SNX24: variants seen among roughly 807,000 people sequenced by gnomAD.
The protein encoded by SNX24 is sorting nexin-24.
SNX24 carries 22 observed loss-of-function variants against 28.7 expected under a neutral mutation model. That is an observed-to-expected ratio of 0.77 (90% confidence interval 0.55 to 1.10). The LOEUF (loss-of-function observed/expected upper bound fraction) is 1.10. SNX24 is among the 50% of genes least tolerant of loss of function. The probability of loss-of-function intolerance (pLI) is 0.00; values close to 1 mark genes in which losing one functional copy is unlikely to be tolerated. For missense variants in SNX24, 221 were observed against 201.1 expected (o/e 1.10, Z -0.60); for synonymous variants, 69 against 71.5 (o/e 0.96, Z 0.18).
chr5:122,979,624 G>A (rs762707734), intron 3 of SNX24, among the ~76,000 whole-genome samples: 1 of 152,198 alleles, frequency 6.6e-6, no homozygotes, highest in South Asian at 2.1e-4. Flanking sequence ...CACTTATGCA[G>A]ATGTCTCCAG....
At chr5:123,010,952 T>G (rs2150183687), downstream of SNX24, among the ~76,000 whole-genome samples, 1 of 152,314 alleles carries the variant, frequency 6.6e-6, no homozygotes, top group Non-Finnish European at 1.5e-5. Context: ...TTCTATAATT[T>G]GTGTAACCAC....
chr5:123,001,555 A>C, intron 5 of SNX24, 118 bp downstream of exon 5: 3 of 768,242 alleles, frequency 3.9e-6, no homozygotes, highest in Non-Finnish European at 6.5e-6. Flanking sequence ...AATTGGTTTT[A>C]AGATTATAAA....
At chr5:122,901,228 C>G (rs1219826572) in intron 1 of SNX24, among the ~76,000 whole-genome samples, 4 of 150,736 alleles carry the variant, frequency 2.7e-5, no homozygotes, top group Non-Finnish European at 5.9e-5. Context: ...CAAAATATTG[C>G]TCATATTTAT....
chr5:122,951,378 AAAT>A (rs1235225580), intron 3 of SNX24, among the ~76,000 whole-genome samples: 2 of 151,980 alleles, frequency 1.3e-5, no homozygotes, highest in Non-Finnish European at 2.9e-5. Context: ...TAAAAATATA[AAAT>A]AATATTTGCT....
chr5:122,884,717 G>C (rs1756633414), intron 1 of SNX24, among the ~76,000 whole-genome samples: 1 of 152,104 alleles, frequency 6.6e-6, no homozygotes, highest in South Asian at 2.1e-4. Context: ...TCTGACAGAC[G>C]AGCAGATGTG....
At chr5:122,913,140 G>A (rs1287590632) in intron 1 of SNX24, among the ~76,000 whole-genome samples, 3 of 152,110 alleles carry the variant, frequency 2.0e-5, no homozygotes, top group Non-Finnish European at 2.9e-5. Flanking sequence ...GCAACCATCC[G>A]ATTTCTCAAT....
chr5:122,926,115 T>C (rs1758684207), intron 1 of SNX24, among the ~76,000 whole-genome samples: 1 of 152,100 alleles, frequency 6.6e-6, no homozygotes, highest in Non-Finnish European at 1.5e-5. Context: ...TAGTTGCTGT[T>C]TTAGATGGGG....
At chr5:122,929,644 C>T (rs1020330491) in intron 1 of SNX24, among the ~76,000 whole-genome samples, 11 of 151,954 alleles carry the variant, frequency 7.2e-5, no homozygotes, top group African/African-American at 2.4e-4. Flanking sequence ...ATTTAAGTCC[C>T]TTTTTTTCTT....
At chr5:122,892,620 A>G (rs1757021700) in intron 1 of SNX24, among the ~76,000 whole-genome samples, 1 of 151,530 alleles carries the variant, frequency 6.6e-6, no homozygotes, top group Non-Finnish European at 1.5e-5. Flanking sequence ...TTGTATTTTT[A>G]AAAGACTGGG....
intron 1 of SNX24, among the ~76,000 whole-genome samples, chr5:122,935,047 C>CAGACG (rs1219283818): frequency 6.6e-6 from 1 of 152,132 alleles, no homozygotes; most frequent in Non-Finnish European, 1.5e-5. Context: ...GAGTTTTCAA[C>CAGACG]CGTCTCCCTG....
intron 3 of SNX24, among the ~76,000 whole-genome samples, chr5:122,955,382 A>G (rs1760158681): frequency 6.6e-6 from 1 of 152,044 alleles, no homozygotes; most frequent in African/African-American, 2.4e-5. Context: ...CTGTCATCCT[A>G]ATGTTGGAAT....
intron 4 of SNX24, 47 bp downstream of exon 4, chr5:123,000,053 C>T: frequency 1.6e-6 from 2 of 1,214,806 alleles, no homozygotes; most frequent in Non-Finnish European, 2.4e-6. Flanking sequence ...AATTACTCTT[C>T]AATGACCAAT....
chr5:122,939,226 T>C (rs1384948312), intron 2 of SNX24, among the ~76,000 whole-genome samples: 1 of 152,244 alleles, frequency 6.6e-6, no homozygotes, highest in African/African-American at 2.4e-5. Flanking sequence ...CCTTTAAATG[T>C]AGTTAAATCT....
chr5:122,979,963 G>T (rs1221093488), intron 3 of SNX24, among the ~76,000 whole-genome samples: 1 of 152,164 alleles, frequency 6.6e-6, no homozygotes, highest in East Asian at 1.9e-4. Flanking sequence ...CATTTTCCTT[G>T]AAGCTGTGTC....
At chr5:122,867,112 C>T (rs1755755410) in intron 1 of SNX24, among the ~76,000 whole-genome samples, 1 of 152,144 alleles carries the variant, frequency 6.6e-6, no homozygotes, top group Non-Finnish European at 1.5e-5. Flanking sequence ...AAACTTGACC[C>T]AGCCCTGCAA....
intron 3 of SNX24, among the ~76,000 whole-genome samples, chr5:122,991,778 G>C (rs900239693): frequency 1.3e-5 from 2 of 152,066 alleles, no homozygotes; most frequent in African/African-American, 4.8e-5. Flanking sequence ...TGTTGTTGTT[G>C]TTGTTGTTTT....
chr5:122,976,117 G>A (rs554123471), intron 3 of SNX24, among the ~76,000 whole-genome samples: 2 of 152,240 alleles, frequency 1.3e-5, no homozygotes, highest in South Asian at 4.1e-4. Flanking sequence ...TGCTTTAAAT[G>A]TATGTATTCT....
At chr5:123,026,332 C>T (rs1762852920) in intron 5 of SNX24, among the ~76,000 whole-genome samples, 1 of 152,150 alleles carries the variant, frequency 6.6e-6, no homozygotes, top group South Asian at 2.1e-4. Context: ...TTGAGCCATC[C>T]TAGTGGCTGT....
intron 1 of SNX24, among the ~76,000 whole-genome samples, chr5:122,854,346 A>G (rs920684444): frequency 2.6e-5 from 4 of 152,026 alleles, no homozygotes; most frequent in Admixed American, 2.0e-4. Context: ...GTCTCTACTA[A>G]AAATACAAAA....
Sources: gnomAD v4.1 joint callset for allele counts (sites outside exome capture counted in the v4.1 genomes callset) on GRCh38, gnomAD v4.1.1 for gene constraint, MANE v1.5 for transcripts, NCBI Gene and HGNC (gene_info 2026-07-23, HGNC 2026-07-21) for gene names.